The following NTM variants were observed in gnomAD, a reference collection of about 807,000 sequenced individuals.
NTM encodes IgLON family member 2.
NTM carries 13 observed loss-of-function variants against 42.1 expected under a neutral mutation model. That is an observed-to-expected ratio of 0.31 (90% CI 0.20 to 0.49). NTM has a LOEUF of 0.49. Among genes scored for constraint, NTM ranks in the 20% least tolerant of loss-of-function variants. NTM has a pLI of 0.99. For missense variants in NTM, 373 were observed against 452.8 expected (o/e 0.82, Z 1.60); for synonymous variants, 187 against 179.2 (o/e 1.04, Z -0.35).
chr11:131,945,180 G>C (rs1376741635), intron 2 of NTM, among the ~76,000 whole-genome samples: 1 of 152,186 alleles, frequency 6.6e-6, no homozygotes, highest in Non-Finnish European at 1.5e-5. Context: ...CCAATTTTTA[G>C]CTATTTGTGT....
intron 2 of NTM, among the ~76,000 whole-genome samples, chr11:132,044,898 G>C (rs2077766124): frequency 6.6e-6 from 1 of 151,760 alleles, no homozygotes; most frequent in South Asian, 2.1e-4. Flanking sequence ...ATAGCCTACC[G>C]ACCAAAAAAA....
intron 2 of NTM, among the ~76,000 whole-genome samples, chr11:132,143,458 C>T (rs2069623014): frequency 6.6e-6 from 1 of 152,158 alleles, no homozygotes; most frequent in African/African-American, 2.4e-5. Context: ...GAAAACAAAA[C>T]AAAAACTGGC....
At chr11:132,047,518 T>C (rs1390032723) in intron 2 of NTM, among the ~76,000 whole-genome samples, 1 of 152,236 alleles carries the variant, frequency 6.6e-6, no homozygotes, top group Admixed American at 6.5e-5. Context: ...TCTCAGCACC[T>C]CTTATTTATT....
intron 2 of NTM, among the ~76,000 whole-genome samples, chr11:132,047,799 T>C (rs1012866260): frequency 6.6e-6 from 1 of 152,110 alleles, no homozygotes; most frequent in African/African-American, 2.4e-5. Context: ...AAATCAAGAG[T>C]AGGGTCCTCA....
rs58402910 is a variant in NTM at position 131,409,712 on chromosome 11, C to T, written c.82+38824C>T. Among the ~76,000 whole-genome samples, 9,392 of 152,190 alleles carry T rather than the reference C, an allele frequency of 0.062. 1,510 individuals are homozygous for T. In the East Asian group the frequency reaches 0.62, roughly 10 times the overall value. On this transcript the variant is annotated intron_variant, in intron 1 of 8. Coordinates refer to ENST00000683400, the MANE Select transcript of NTM (RefSeq NM_001352005.2). ...CGTTTTCCCTTTCTTCTGGAGCAGGCACAAGGCACTGACTTCATTTTGCAT... is the reference window on the plus strand; with the variant it reads ...CGTTTTCCCTTTCTTCTGGAGCAGGTACAAGGCACTGACTTCATTTTGCAT...
chr11:131,388,421 TG>T (rs912237853), intron 1 of NTM, among the ~76,000 whole-genome samples: 4 of 149,216 alleles, frequency 2.7e-5, no homozygotes, highest in African/African-American at 5.0e-5. Context: ...ATTTGGGTTT[TG>T]GGTTTTTTTT....
chr11:132,201,814 T>C (rs894037793), intron 3 of NTM, among the ~76,000 whole-genome samples: 4 of 152,232 alleles, frequency 2.6e-5, no homozygotes, highest in Admixed American at 2.6e-4. Flanking sequence ...CATATTTTAT[T>C]GGATCCCAAA....
At chr11:131,895,719 C>T (rs1592652022) in intron 1 of NTM, among the ~76,000 whole-genome samples, 2 of 151,716 alleles carry the variant, frequency 1.3e-5, no homozygotes, top group East Asian at 1.9e-4. Flanking sequence ...TATACATTTC[C>T]TTTAAAATAA....
chr11:131,937,847 A>G (rs953159423), intron 2 of NTM, among the ~76,000 whole-genome samples: 2 of 152,166 alleles, frequency 1.3e-5, no homozygotes, highest in African/African-American at 4.8e-5. Context: ...TGTTCAGCAA[A>G]GTGTCTCAAA....
At chr11:131,956,387 G>A (rs1371874667) in intron 2 of NTM, among the ~76,000 whole-genome samples, 1 of 152,210 alleles carries the variant, frequency 6.6e-6, no homozygotes, top group African/African-American at 2.4e-5. Context: ...GGAGAAAGAT[G>A]ATGAGCTTGA....
chr11:131,698,065 G>C (rs1488103845), intron 1 of NTM, among the ~76,000 whole-genome samples: 1 of 152,190 alleles, frequency 6.6e-6, no homozygotes, highest in African/African-American at 2.4e-5. Context: ...AGACACAGCT[G>C]CTTCATCCAG....
chr11:131,656,848 CAAG>C, intron 1 of NTM, among the ~76,000 whole-genome samples: 1 of 152,236 alleles, frequency 6.6e-6, no homozygotes, highest in Admixed American at 6.5e-5. Context: ...AAACACTTCC[CAAG>C]AAGATGACCT....
chr11:132,144,595 T>G (rs111383382), intron 2 of NTM, among the ~76,000 whole-genome samples: 116 of 152,338 alleles, frequency 7.6e-4, no homozygotes, highest in African/African-American at 2.7e-3. Flanking sequence ...GAGATGTTGT[T>G]ATAAATTCCC....
chr11:131,743,654 G>T (rs2081451662), intron 1 of NTM, among the ~76,000 whole-genome samples: 1 of 152,170 alleles, frequency 6.6e-6, no homozygotes, highest in Non-Finnish European at 1.5e-5. Flanking sequence ...AAATACACCT[G>T]CAAGCTACTG....
chr11:131,873,668 TATATATATACACAC>T (rs746534551), intron 1 of NTM, among the ~76,000 whole-genome samples: 11,623 of 105,180 alleles, frequency 0.11, 771 homozygotes, highest in Middle Eastern at 0.17. Context: ...TATATACACA[TATATATATACACAC>T]ATATATATAC....
intron 7 of NTM, among the ~76,000 whole-genome samples, chr11:132,329,901 CT>C (rs1343808950): frequency 6.6e-6 from 1 of 152,226 alleles, no homozygotes; most frequent in Non-Finnish European, 1.5e-5. Context: ...TCCAATCTGA[CT>C]GTCGTTCACA....
At chr11:131,425,929 A>G (rs1948093164) in intron 1 of NTM, among the ~76,000 whole-genome samples, 1 of 152,162 alleles carries the variant, frequency 6.6e-6, no homozygotes, top group Admixed American at 6.5e-5. Context: ...AGACAGTAAA[A>G]TAGTCAAGAC....
At chr11:131,999,383 C>T (rs1469352789) in intron 2 of NTM, among the ~76,000 whole-genome samples, 2 of 152,136 alleles carry the variant, frequency 1.3e-5, no homozygotes, top group African/African-American at 2.4e-5. Flanking sequence ...CAATGCCCGA[C>T]TGATGTCAAC....
intron 1 of NTM, among the ~76,000 whole-genome samples, chr11:131,827,358 T>C (rs2042258448): frequency 6.6e-6 from 1 of 152,156 alleles, no homozygotes; most frequent in Non-Finnish European, 1.5e-5. Context: ...CAAGGCATCC[T>C]GGCAGAAGTG....
Sources: gnomAD v4.1 joint callset for allele counts (sites outside exome capture counted in the v4.1 genomes callset) on GRCh38, gnomAD v4.1.1 for gene constraint, MANE v1.5 for transcripts, NCBI Gene and HGNC (gene_info 2026-07-23, HGNC 2026-07-21) for gene names.